Variants in ERBB4 observed in about 807,000 individuals in gnomAD.
The protein encoded by ERBB4 is erb-b2 receptor tyrosine kinase 4.
Under a neutral mutation model 158.0 loss-of-function variants are expected in ERBB4, and 42 were observed. The observed-to-expected ratio is 0.27, with a 90% CI of 0.21 to 0.34. The LOEUF (loss-of-function observed/expected upper bound fraction) is 0.34, where lower values mean the gene tolerates loss of function less well. ERBB4 is among the 10% of genes least tolerant of loss of function. ERBB4 has a pLI of 1.00. For missense variants in ERBB4, 1,333 were observed against 1,624.1 expected (o/e 0.82, Z 3.08); for synonymous variants, 583 against 558.7 (o/e 1.04, Z -0.61).
intron 19 of ERBB4, among the ~76,000 whole-genome samples, chr2:211,579,532 A>G (rs2125765229): frequency 6.6e-6 from 1 of 152,316 alleles, no homozygotes; most frequent in Non-Finnish European, 1.5e-5. Flanking sequence ...ACAATAGCAA[A>G]GACATGGAAT....
chr2:211,638,582 G>A (rs751004797), intron 16 of ERBB4, among the ~76,000 whole-genome samples: 2 of 152,114 alleles, frequency 1.3e-5, no homozygotes, highest in African/African-American at 4.8e-5. Context: ...GACCAAAACT[G>A]TAAGTGCTGA....
chr2:211,939,238 G>T (rs2080416442), intron 3 of ERBB4, among the ~76,000 whole-genome samples: 1 of 152,072 alleles, frequency 6.6e-6, no homozygotes, highest in African/African-American at 2.4e-5. Context: ...AACAATTTTT[G>T]GGAGTGACAT....
At chr2:211,848,991 T>C (rs1191797023) in intron 3 of ERBB4, among the ~76,000 whole-genome samples, 1 of 152,088 alleles carries the variant, frequency 6.6e-6, no homozygotes, top group African/African-American at 2.4e-5. Flanking sequence ...CAGCAGGTAA[T>C]GGTTCAAATT....
intron 3 of ERBB4, among the ~76,000 whole-genome samples, chr2:211,909,922 G>C (rs976239653): frequency 4.6e-5 from 7 of 151,510 alleles, no homozygotes; most frequent in African/African-American, 1.5e-4. Context: ...ATAAATTTTT[G>C]TTGTTGTTGT....
At chr2:211,809,374 A>G (rs916821086) in intron 3 of ERBB4, among the ~76,000 whole-genome samples, 1 of 152,098 alleles carries the variant, frequency 6.6e-6, no homozygotes, top group African/African-American at 2.4e-5. Flanking sequence ...AGAGCCTGTT[A>G]TTGGTCTATT....
intron 2 of ERBB4, among the ~76,000 whole-genome samples, chr2:212,101,701 T>C (rs925667147): frequency 6.6e-6 from 1 of 151,980 alleles, no homozygotes; most frequent in African/African-American, 2.4e-5. Flanking sequence ...ACCCTAAACA[T>C]TGTTCAAGGC....
intron 1 of ERBB4, among the ~76,000 whole-genome samples, chr2:212,308,504 A>T (rs2086898774): frequency 6.6e-6 from 1 of 151,048 alleles, no homozygotes; most frequent in Non-Finnish European, 1.5e-5. Flanking sequence ...GGTTCTGAAG[A>T]AGCTTTAAAA....
chr2:212,416,367 C>T (rs1321771909), intron 1 of ERBB4, among the ~76,000 whole-genome samples: 4 of 152,104 alleles, frequency 2.6e-5, no homozygotes, highest in Non-Finnish European at 4.4e-5. Flanking sequence ...CCTTTCATTC[C>T]TCTGCTAGAG....
chr2:211,387,755 T>A (rs1007349495), intron 26 of ERBB4, among the ~76,000 whole-genome samples, 190 bp downstream of exon 26: 2 of 152,272 alleles, frequency 1.3e-5, no homozygotes, highest in African/African-American at 4.8e-5. Context: ...TGTTGATGCA[T>A]GATATCTCAA....
chr2:212,103,887 G>C (rs1284235525), intron 2 of ERBB4, among the ~76,000 whole-genome samples: 2 of 152,052 alleles, frequency 1.3e-5, no homozygotes, highest in Admixed American at 6.5e-5. Flanking sequence ...TGTTCTGAAA[G>C]AGAATAGTAC....
At chr2:212,473,586 T>C (rs1340815185) in intron 1 of ERBB4, among the ~76,000 whole-genome samples, 1 of 152,132 alleles carries the variant, frequency 6.6e-6, no homozygotes, top group Admixed American at 6.6e-5. Flanking sequence ...ATTTTCTTTT[T>C]CAAATGTTAC....
intron 2 of ERBB4, among the ~76,000 whole-genome samples, chr2:212,023,428 C>A (rs186123673): frequency 5.7e-4 from 87 of 152,054 alleles, no homozygotes; most frequent in African/African-American, 2.0e-3. Flanking sequence ...CACTAGCCAA[C>A]AAGCTTTAAA....
At chr2:212,167,937 TG>T (rs2081397751) in intron 1 of ERBB4, among the ~76,000 whole-genome samples, 1 of 151,832 alleles carries the variant, frequency 6.6e-6, no homozygotes, top group Admixed American at 6.6e-5. Context: ...CAGGGCCTGT[TG>T]GGGTGTGGGG....
intron 1 of ERBB4, among the ~76,000 whole-genome samples, chr2:212,301,860 C>T (rs1399045171): frequency 1.3e-5 from 2 of 151,298 alleles, no homozygotes; most frequent in East Asian, 3.9e-4. Context: ...AACATCACAT[C>T]TTATTTTTTA....
chr2:212,195,498 GCA>G (rs2082399909), intron 1 of ERBB4, among the ~76,000 whole-genome samples: 1 of 151,742 alleles, frequency 6.6e-6, no homozygotes, highest in Non-Finnish European at 1.5e-5. Context: ...AATAAAATAT[GCA>G]CACCTTTTAA....
intron 3 of ERBB4, among the ~76,000 whole-genome samples, chr2:211,932,638 A>G (rs929037198): frequency 7.2e-5 from 11 of 151,948 alleles, no homozygotes; most frequent in Non-Finnish European, 1.5e-4. Flanking sequence ...TCATGGCTTA[A>G]AAGTTCCCAT....
At chr2:211,990,233 G>A (rs1286623328) in intron 2 of ERBB4, among the ~76,000 whole-genome samples, 1 of 149,406 alleles carries the variant, frequency 6.7e-6, no homozygotes, top group East Asian at 2.0e-4. Flanking sequence ...TATAAAACAC[G>A]ATAGAAATCT....
intron 1 of ERBB4, among the ~76,000 whole-genome samples, chr2:212,212,605 G>A (rs547276877): frequency 1.5e-4 from 22 of 151,520 alleles, no homozygotes; most frequent in African/African-American, 5.3e-4. Context: ...GACCCCTATA[G>A]CCAAGACAAT....
At chr2:212,179,687 A>G (rs1260199553) in intron 1 of ERBB4, among the ~76,000 whole-genome samples, 29 of 151,570 alleles carry the variant, frequency 1.9e-4, no homozygotes. Context: ...TATGAATGTA[A>G]CTGTGGATCA....
Sources: allele counts gnomAD v4.1 joint callset (sites outside exome capture counted in the v4.1 genomes callset), GRCh38; gene constraint gnomAD v4.1.1; transcripts MANE v1.5; gene names NCBI Gene and HGNC (gene_info 2026-07-23, HGNC 2026-07-21).